The following CC2D2B variants were observed in gnomAD, a reference collection of about 807,000 sequenced individuals.
CC2D2B encodes coiled-coil and C2 domain containing 2B, also known as protein CC2D2B.
CC2D2B carries 128 observed loss-of-function variants against 161.2 expected under a neutral mutation model. The ratio of observed to expected loss-of-function variants is 0.79; its 90% CI spans 0.69 to 0.92. CC2D2B has a LOEUF of 0.92. Ranked by LOEUF, CC2D2B falls within the 40% of genes least tolerant of loss-of-function variation. CC2D2B has a pLI of 0.00. For synonymous variants in CC2D2B, 391 were observed against 449.8 expected, an observed-to-expected ratio of 0.87 and a Z score of 1.65; for missense variants, 1,173 against 1,375.1, an observed-to-expected ratio of 0.85 and a Z score of 2.32.
intron 29 of CC2D2B, among the ~76,000 whole-genome samples, chr10:96,015,231 A>ATTTTTTTTTTTTTT (rs58739011): frequency 1.2e-3 from 130 of 111,280 alleles, no homozygotes; most frequent in Middle Eastern, 6.4e-3. Context: ...GGCCCAGCTA[A>ATTTTTTTTTTTTTT]TTTTTTTTTT....
At chr10:95,937,876 G>A (rs1326722373) in intron 6 of CC2D2B, 115 bp from the exon 7 acceptor site, 1 of 643,014 alleles carries the variant, frequency 1.6e-6, no homozygotes, top group Non-Finnish European at 2.7e-6. Flanking sequence ...CTTGTTCTGT[G>A]GGTGGCAGGA....
At chr10:95,990,937 T>C (rs777507855) in intron 20 of CC2D2B, among the ~76,000 whole-genome samples, 4 of 152,162 alleles carry the variant, frequency 2.6e-5, no homozygotes, top group Non-Finnish European at 5.9e-5. Flanking sequence ...AGAATAGGAT[T>C]GACTCGAAGG....
chr10:95,927,395 A>G, intron 6 of CC2D2B, 63 bp downstream of exon 6: 7 of 882,360 alleles, frequency 7.9e-6, no homozygotes, highest in Non-Finnish European at 1.3e-5. Flanking sequence ...CTTTATTAAA[A>G]GTGCAGAATG....
At chr10:95,970,529 T>G (rs1051281459) in intron 15 of CC2D2B, among the ~76,000 whole-genome samples, 1 of 152,202 alleles carries the variant, frequency 6.6e-6, no homozygotes, top group Non-Finnish European at 1.5e-5. Context: ...GTGTTGACAG[T>G]TGTCAGGGGA....
chr10:95,977,017 T>C (rs2077341547), intron 17 of CC2D2B, among the ~76,000 whole-genome samples: 1 of 152,178 alleles, frequency 6.6e-6, no homozygotes, highest in Non-Finnish European at 1.5e-5. Context: ...CCCAAAGTGT[T>C]GGGATTACAG....
At chr10:95,993,936 GTGTGTGTATGTATGTGTATATATATATA>G (rs1191667730) in intron 22 of CC2D2B, among the ~76,000 whole-genome samples, 30 of 19,534 alleles carry the variant, frequency 1.5e-3, no homozygotes, top group African/African-American at 1.4e-3. Flanking sequence ...GTGTGTGTGT[GTGTGTGTATGTATGTGTATATATATATA>G]TATATATATA....
chr10:95,916,034 T>G (rs966072435), intron 2 of CC2D2B, among the ~76,000 whole-genome samples: 1 of 152,174 alleles, frequency 6.6e-6, no homozygotes, highest in Non-Finnish European at 1.5e-5. Context: ...GGTCCCAGGC[T>G]TTTCTTTGCT....
Position 95,913,895 on chromosome 10 carries a change from A to G in CC2D2B, c.36+2536A>G, listed in dbSNP as rs1224432225. ...CTAATCAGATACATAGTTTGCATATATTTTCTCCCATTCTAAGGGCTGTTT... is the reference window on the plus strand; with the variant it reads ...CTAATCAGATACATAGTTTGCATATGTTTTCTCCCATTCTAAGGGCTGTTT... On this transcript the variant is annotated intron_variant, in intron 2 of 34. Transcript: ENST00000646931. Among the ~76,000 whole-genome samples, 5 of 152,028 alleles carry G rather than the reference A, an allele frequency of 3.3e-5. No homozygotes were observed. The East Asian group carries it at 9.6e-4, about 29-fold the overall frequency.
At chr10:96,017,762 C>T (rs1263796971) in intron 30 of CC2D2B, among the ~76,000 whole-genome samples, 2 of 103,414 alleles carry the variant, frequency 1.9e-5, no homozygotes, top group Non-Finnish European at 1.9e-5. Context: ...GAGACCCCAC[C>T]TCTATAAATA....
chr10:95,916,766 T>G (rs2098517117), intron 2 of CC2D2B, among the ~76,000 whole-genome samples: 1 of 152,240 alleles, frequency 6.6e-6, no homozygotes, highest in African/African-American at 2.4e-5. Context: ...TTGATATGAT[T>G]TCAAAGTTTT....
intron 26 of CC2D2B, among the ~76,000 whole-genome samples, chr10:96,011,425 A>G (rs2078984420): frequency 6.6e-6 from 1 of 151,974 alleles, no homozygotes; most frequent in African/African-American, 2.4e-5. Context: ...CAATTCTCTG[A>G]CCCTCAGTTT....
At chr10:95,960,461 G>T (rs1422833625) in intron 11 of CC2D2B, among the ~76,000 whole-genome samples, 1 of 152,140 alleles carries the variant, frequency 6.6e-6, no homozygotes, top group Non-Finnish European at 1.5e-5. Flanking sequence ...TGTTGTGGGG[G>T]TTTTCAAGCA....
At chr10:96,021,113 TACTG>T (rs775079777) in intron 32 of CC2D2B, 1 of 152,212 alleles carries the variant, frequency 6.6e-6, no homozygotes, top group Non-Finnish European at 1.5e-5. Flanking sequence ...TGTGTGATCA[TACTG>T]AGTGTTGTCA....
chr10:95,928,653 C>G (rs192150066), intron 6 of CC2D2B, among the ~76,000 whole-genome samples: 1 of 152,094 alleles, frequency 6.6e-6, no homozygotes, highest in Non-Finnish European at 1.5e-5. Context: ...TGAGAACATG[C>G]GGTGTTTGGT....
intron 12 of CC2D2B, among the ~76,000 whole-genome samples, chr10:95,965,126 A>G (rs1292400938): frequency 6.6e-6 from 1 of 152,156 alleles, no homozygotes; most frequent in Non-Finnish European, 1.5e-5. Flanking sequence ...TCCTTCTTAA[A>G]TGATTAAAAT....
chr10:95,992,275 G>A (rs537313868), intron 21 of CC2D2B, among the ~76,000 whole-genome samples: 1 of 152,058 alleles, frequency 6.6e-6, no homozygotes, highest in South Asian at 2.1e-4. Flanking sequence ...CCATGTCCAC[G>A]TATCTGTTTG....
Position 95,972,120 on chromosome 10 carries a change from C to T in CC2D2B, c.1699C>T (p.Pro567Ser). Residue 567 changes from proline to serine, a missense_variant, in exon 16 of 35, where the codon CCT becomes TCT. Around this residue, in one of 3 missense-constraint regions of CC2D2B, gnomAD observed 277 missense variants for 420.6 expected, o/e 0.66. Coordinates refer to ENST00000646931, the MANE Select transcript of CC2D2B (RefSeq NM_001349008.3). ...ACTGGCAAAACTATATATACCTTTACCTAACTACACAGAGCTGAAAGGCAA... is the reference window on the plus strand; with the variant it reads ...ACTGGCAAAACTATATATACCTTTATCTAACTACACAGAGCTGAAAGGCAA... The part of the protein sequence containing the change: ...SLLAKLYIPL[P>S]NYTELKGKTA... 1 of 1,231,016 alleles carries T rather than the reference C, an allele frequency of 8.1e-7. No individual in the cohort carries two copies. Among genetic ancestry groups the T allele is most frequent in the South Asian group, 4.1e-5 (1 of 24,284 alleles). The allele number at this position is 1,231,016 out of a possible 1,614,324, so 76.3% of individuals were successfully genotyped here.
In CC2D2B at chr10:95,993,946, GTATGTGTATATATATATATA is replaced by G. The variant is rs1237012608; in HGVS notation, c.2642+1253_2642+1272del. Among the ~76,000 whole-genome samples, 42 of 29,004 alleles carry G rather than the reference GTATGTGTATATATATATATA, an allele frequency of 1.4e-3. 1 individual carries two copies. The highest frequency in any genetic ancestry group is 0.026 in the Middle Eastern group (1 of 38). 19.0% of individuals were successfully genotyped at this position (29,004 alleles called of 152,430 possible). On this transcript the variant is annotated intron_variant, in intron 22 of 34. Transcript: ENST00000646931. ...TGTGTGTGTGTGTGTGTGTGTGTAT[GTATGTGTATATATATATATA>G]TATATATATATATATATATATATAT...
At chr10:95,976,753 CT>C (rs1262730615) in intron 17 of CC2D2B, among the ~76,000 whole-genome samples, 1 of 151,984 alleles carries the variant, frequency 6.6e-6, no homozygotes. Context: ...AGCTTTGATG[CT>C]TTTTTTTGTT....
Sources: allele counts gnomAD v4.1 joint callset (sites outside exome capture counted in the v4.1 genomes callset), GRCh38; gene constraint gnomAD v4.1.1; regional missense constraint gnomAD v4.1.1; transcripts MANE v1.5; gene names NCBI Gene and HGNC (gene_info 2026-07-23, HGNC 2026-07-21).